Variants in INTS4 observed in about 807,000 individuals in gnomAD.
INTS4 encodes integrator complex subunit 4.
A neutral mutation model predicts 119.5 loss-of-function variants in INTS4; 70 were observed. The observed-to-expected ratio is 0.59, with a 90% CI of 0.48 to 0.71. INTS4 has a LOEUF of 0.71. Ranked by LOEUF, INTS4 falls within the 30% of genes least tolerant of loss-of-function variation. The probability of loss-of-function intolerance (pLI) is 0.00; values close to 1 mark genes in which losing one functional copy is unlikely to be tolerated. For synonymous variants in INTS4, 316 were observed against 419.6 expected (o/e 0.75, Z 3.02); for missense variants, 867 against 1,173.2 (o/e 0.74, Z 3.81).
At chr11:77,978,017 T>C (rs1856020721) in intron 4 of INTS4, 1 of 152,130 alleles carries the variant, frequency 6.6e-6, no homozygotes, top group South Asian at 2.1e-4. Context: ...GCCTCCCTAG[T>C]AGCTGGGATT....
At position 77,913,527 on chromosome 11, in the gene INTS4, G is replaced by A. The variant is rs1160043991; in HGVS notation, c.1922+5294C>T. ...GGGGTTTCATCGTGTTAGCCAGGATGGTCTCGATCTCCTGAGCTCGTGATC... is the reference window on the plus strand; with the variant it reads ...GGGGTTTCATCGTGTTAGCCAGGATAGTCTCGATCTCCTGAGCTCGTGATC... On this transcript the variant is annotated intron_variant, in intron 15 of 22. Transcript: ENST00000534064. 2.0e-5 allele frequency among the ~76,000 whole-genome samples: 3 copies of A among 152,158 alleles called. No homozygotes were observed. The East Asian group carries it at 5.8e-4, about 29-fold the overall frequency.
intron 15 of INTS4, among the ~76,000 whole-genome samples, chr11:77,912,286 T>C (rs1953106179): frequency 6.7e-6 from 1 of 150,076 alleles, no homozygotes; most frequent in Admixed American, 6.7e-5. Context: ...TGCTTGAACC[T>C]GGGAGGCAGA....
chr11:77,942,572 C>A (rs1461704253), intron 8 of INTS4, among the ~76,000 whole-genome samples: 1 of 152,104 alleles, frequency 6.6e-6, no homozygotes. Context: ...CCTCTCATCC[C>A]CATTTTCTAG....
chr11:77,936,227 GA>G (rs142509723), intron 10 of INTS4, among the ~76,000 whole-genome samples: 4,349 of 151,914 alleles, frequency 0.029, 143 homozygotes, highest in African/African-American at 0.084. Context: ...AATACTGGAG[GA>G]AAAAAATCAA....
intron 14 of INTS4, among the ~76,000 whole-genome samples, chr11:77,921,075 GT>G (rs1953349639): frequency 6.6e-6 from 1 of 152,028 alleles, no homozygotes; most frequent in Non-Finnish European, 1.5e-5. Flanking sequence ...GAACAAACAA[GT>G]TTTCAGAGAA....
rs1360791504 is a variant in INTS4 at position 77,938,767 on chromosome 11, C to A, written c.1049G>T (p.Ser350Ile). ...KELYSSGEFS[S>I]GRKWGDDAPK... is the part of the protein sequence containing the mutation. ...AGCATCATCTCCCCACTTTCTGCCA[C>A]TGGAAAACTCCCCCGAACTGTAAAG... The change falls in exon 10 of 23, where the codon AGT becomes ATT. Residue 350 changes from serine to isoleucine, a missense_variant. By Grantham distance (142) the Ser-to-Ile change is moderately radical. Around this residue, in one of 5 missense-constraint regions of INTS4, gnomAD observed 208 missense variants for 306.6 expected, o/e 0.68. Coordinates refer to ENST00000534064, the MANE Select transcript of INTS4 (RefSeq NM_033547.4). The A allele has an allele frequency of 6.2e-7, 1 of 1,612,068 alleles. No individual in the cohort carries two copies. Among genetic ancestry groups the A allele is most frequent in the South Asian group, 1.1e-5 (1 of 90,994 alleles).
intron 2 of INTS4, among the ~76,000 whole-genome samples, chr11:77,986,514 G>A (rs1856462961): frequency 6.6e-6 from 1 of 152,110 alleles, no homozygotes; most frequent in Non-Finnish European, 1.5e-5. Flanking sequence ...TATAAATCAT[G>A]CTACTATAAA....
intron 4 of INTS4, among the ~76,000 whole-genome samples, chr11:77,963,866 G>A (rs1043756039): frequency 6.6e-6 from 1 of 152,120 alleles, no homozygotes; most frequent in Non-Finnish European, 1.5e-5. Flanking sequence ...TAAAATTTTT[G>A]TAGAGATGGG....
intron 8 of INTS4, among the ~76,000 whole-genome samples, chr11:77,948,703 A>T (rs368735220): frequency 0.017 from 2,450 of 144,788 alleles, 64 homozygotes; most frequent in African/African-American, 0.054. Context: ...GAAGGAAAAA[A>T]TCTTGAATAT....
intron 14 of INTS4, among the ~76,000 whole-genome samples, chr11:77,920,278 C>A (rs1247491257): frequency 7.1e-6 from 1 of 141,654 alleles, no homozygotes; most frequent in Non-Finnish European, 1.5e-5. Flanking sequence ...CATATATATA[C>A]ACATATATAT....
rs556228460 is a variant in INTS4, at chr11:77,906,811, A to G, written c.2016+906T>C. ...AAACATCATTAATCACTTTGAAAACAAAGAACACTTTGAACTAGGGCCAAG... is the reference window on the plus strand; with the variant it reads ...AAACATCATTAATCACTTTGAAAACGAAGAACACTTTGAACTAGGGCCAAG... On this transcript the variant is annotated intron_variant, in intron 16 of 22. Transcript: ENST00000534064. Among the ~76,000 whole-genome samples the G allele has an allele frequency of 3.9e-5, 6 of 152,340 alleles. No homozygotes were observed. In the South Asian group the frequency reaches 1.2e-3, roughly 32 times the overall value.
intron 10 of INTS4, among the ~76,000 whole-genome samples, chr11:77,931,283 T>A (rs907326515): frequency 2.0e-5 from 3 of 152,072 alleles, no homozygotes; most frequent in African/African-American, 7.2e-5. Flanking sequence ...ATTAGAAGAC[T>A]AGAAGTATGT....
intron 2 of INTS4, among the ~76,000 whole-genome samples, chr11:77,984,914 GAAA>G (rs56373012): frequency 7.3e-6 from 1 of 137,402 alleles, no homozygotes; most frequent in Non-Finnish European, 1.5e-5. Context: ...AAATGTAAAT[GAAA>G]AAAAAAAAAA....
chr11:77,888,794 C>T (rs1952131613), intron 21 of INTS4, among the ~76,000 whole-genome samples: 1 of 152,158 alleles, frequency 6.6e-6, no homozygotes, highest in African/African-American at 2.4e-5. Flanking sequence ...CAAAAGAAGA[C>T]ATTTATGCAG....
chr11:77,888,562 A>G (rs192693414), intron 21 of INTS4, among the ~76,000 whole-genome samples: 257 of 152,372 alleles, frequency 1.7e-3, no homozygotes, highest in African/African-American at 5.5e-3. Flanking sequence ...ACAAAGGCCA[A>G]AATTGAGAAA....
chr11:77,967,282 C>A (rs907339291), intron 4 of INTS4, among the ~76,000 whole-genome samples: 1 of 152,160 alleles, frequency 6.6e-6, no homozygotes, highest in African/African-American at 2.4e-5. Context: ...AAGGATGGGA[C>A]TCTAGTGTCC....
chr11:77,907,874 A>T (rs921372711), intron 15 of INTS4, 64 bp from the exon 16 acceptor site: 36 of 1,025,620 alleles, frequency 3.5e-5, no homozygotes, highest in Non-Finnish European at 5.4e-5. Context: ...CATAAAGATC[A>T]TGTCAAAAGC....
intron 14 of INTS4, among the ~76,000 whole-genome samples, chr11:77,919,612 T>A (rs1315257042): frequency 1.3e-5 from 2 of 152,242 alleles, no homozygotes; most frequent in African/African-American, 4.8e-5. Flanking sequence ...CACTATCTTA[T>A]CTTTCACTTG....
At chr11:77,987,711 T>C (rs1288626123) in intron 2 of INTS4, 1 of 437,756 alleles carries the variant, frequency 2.3e-6, no homozygotes, top group Non-Finnish European at 4.6e-6. Flanking sequence ...ACAAAAAAAA[T>C]TAAAAAGAAA....
Sources: gnomAD v4.1 joint callset for allele counts (sites outside exome capture counted in the v4.1 genomes callset) on GRCh38, gnomAD v4.1.1 for gene constraint, gnomAD v4.1.1 regional missense constraint, MANE v1.5 for transcripts, NCBI Gene and HGNC (gene_info 2026-07-23, HGNC 2026-07-21) for gene names.